Variants in PKHD1 observed in about 807,000 individuals in gnomAD.
The protein encoded by PKHD1 is PKHD1 ciliary IPT domain containing fibrocystin/polyductin.
Under a neutral mutation model 412.0 loss-of-function variants are expected in PKHD1, and 291 were observed. The ratio of observed to expected loss-of-function variants is 0.71; its 90% CI spans 0.64 to 0.78. The LOEUF (loss-of-function observed/expected upper bound fraction) is 0.78, where lower values mean the gene tolerates loss of function less well. PKHD1 is among the 30% of genes least tolerant of loss of function. The pLI is 0.00. For synonymous variants in PKHD1, 1,777 were observed against 1,821.5 expected (o/e 0.98, Z 0.62); for missense variants, 4,825 against 4,950.7 (o/e 0.97, Z 0.76).
In PKHD1 at chr6:51,618,875, T is replaced by C. The variant is rs1766267206; in HGVS notation, c.*206A>G. The C allele has an allele frequency of 8.2e-6, 5 of 608,844 alleles. No individual in the cohort carries two copies. Among genetic ancestry groups the C allele is most frequent in the South Asian group, 3.9e-5 (2 of 51,766 alleles). 37.7% of individuals were successfully genotyped at this position (608,844 alleles called of 1,614,324 possible). A position where few individuals can be genotyped will look rare whatever the true frequency, so the allele number is the denominator to read the frequency against. ...TTTGCCTAGCATTGAACTAGGATCA[T>C]GATAGCTGCAAAATATGTATGAGAC... On this transcript the variant is annotated 3_prime_UTR_variant, in exon 67 of 67. Transcript: ENST00000371117.
chr6:51,911,722 C>T (rs1258898924), intron 39 of PKHD1, 77 bp downstream of exon 39: 3 of 1,274,626 alleles, frequency 2.4e-6, no homozygotes, highest in Admixed American at 1.7e-5. Flanking sequence ...AGGTCAACCA[C>T]AGCAATGCCA....
At chr6:51,889,892 A>G (rs1778838808) in intron 43 of PKHD1, among the ~76,000 whole-genome samples, 1 of 152,200 alleles carries the variant, frequency 6.6e-6, no homozygotes, top group South Asian at 2.1e-4. Context: ...CCACTGCTGA[A>G]AACTGAAGGA....
chr6:51,839,967 T>A (rs565581539), intron 50 of PKHD1, among the ~76,000 whole-genome samples: 3 of 152,142 alleles, frequency 2.0e-5, no homozygotes, highest in Non-Finnish European at 4.4e-5. Flanking sequence ...CTGCCTGCCC[T>A]GGACCCAAGC....
intron 60 of PKHD1, among the ~76,000 whole-genome samples, chr6:51,670,675 G>T (rs1484189212): frequency 6.6e-6 from 1 of 152,120 alleles, no homozygotes; most frequent in Non-Finnish European, 1.5e-5. Context: ...TGATTTTGCA[G>T]AGGCTGGTAC....
At chr6:51,855,491 T>C (rs1246737209) in intron 49 of PKHD1, among the ~76,000 whole-genome samples, 2 of 152,340 alleles carry the variant, frequency 1.3e-5, no homozygotes, top group African/African-American at 4.8e-5. Flanking sequence ...GTATGCAATG[T>C]ATAAATGCTT....
intron 35 of PKHD1, among the ~76,000 whole-genome samples, chr6:51,992,893 A>C (rs1406162804): frequency 6.6e-6 from 1 of 152,246 alleles, no homozygotes; most frequent in Non-Finnish European, 1.5e-5. Flanking sequence ...TTGCTGGTAC[A>C]AGGGTCCTGG....
In PKHD1 at chr6:52,010,362, G is replaced by A. The variant is rs2128117137; in HGVS notation, c.5698C>T (p.Pro1900Ser). 1 of 1,613,426 alleles carries A rather than the reference G, an allele frequency of 6.2e-7. No homozygotes were observed. The highest frequency in any genetic ancestry group is 2.2e-5 in the East Asian group (1 of 44,884). The change falls in exon 35 of 67, where the codon CCA becomes TCA. Residue 1900 changes from proline to serine, a missense_variant. Pro to Ser is a moderately conservative substitution (Grantham distance 74). Transcript: ENST00000371117. ...AEMECETPNQPITVKITEIRK... is the reference protein window; with the variant it reads ...AEMECETPNQSITVKITEIRK... The stretch of plus-strand genomic sequence containing the variant: ...ATCTCAGTAATCTTGACGGTAATTG[G>A]CTGATTGGGCGTCTCACACTCCATC...
intron 15 of PKHD1, 50 bp downstream of exon 15, chr6:52,059,878 G>T: frequency 1.1e-6 from 1 of 873,130 alleles, no homozygotes; most frequent in Non-Finnish European, 2.0e-6. Flanking sequence ...CTTTCTTCAT[G>T]GGTATGGGAC....
At chr6:51,831,960 G>A (rs781130445) in intron 51 of PKHD1, among the ~76,000 whole-genome samples, 15 of 152,134 alleles carry the variant, frequency 9.9e-5, no homozygotes, top group Non-Finnish European at 1.5e-4. Context: ...TAGAAGGGAA[G>A]AGAGATTGTC....
At chr6:52,045,373 C>T (rs1805632302) in intron 24 of PKHD1, among the ~76,000 whole-genome samples, 1 of 152,198 alleles carries the variant, frequency 6.6e-6, no homozygotes, top group South Asian at 2.1e-4. Flanking sequence ...CCATGCTTTT[C>T]CATTTTATAT....
intron 35 of PKHD1, among the ~76,000 whole-genome samples, chr6:51,989,935 A>AG (rs1796765942): frequency 1.3e-4 from 3 of 23,326 alleles, no homozygotes; most frequent in Non-Finnish European, 1.6e-4. Flanking sequence ...AAGGAAGGAA[A>AG]GAAGGAAGGA....
rs2784204 is a variant in PKHD1, at chr6:51,627,335, A to G, written c.11666-219T>C. Among the ~76,000 whole-genome samples the G allele has an allele frequency of 0.043, 6,510 of 152,226 alleles. 235 individuals are homozygous for G. The highest frequency in any genetic ancestry group is 0.093 in the African/African-American group (3,855 of 41,530). ...AACTGTACTGTCTGATACAAATAGCAGACACATGTGGCTACTGATCACTTA... is the reference window on the plus strand; with the variant it reads ...AACTGTACTGTCTGATACAAATAGCGGACACATGTGGCTACTGATCACTTA... On this transcript the variant is annotated intron_variant, in intron 65 of 66. Transcript: ENST00000371117.
At chr6:51,906,748 T>A (rs1050181724) in intron 40 of PKHD1, among the ~76,000 whole-genome samples, 16 of 152,108 alleles carry the variant, frequency 1.1e-4, no homozygotes, top group Non-Finnish European at 1.5e-5. Flanking sequence ...GAGCAGTGAA[T>A]TAATATTTAT....
chr6:52,056,128 C>G (rs1164046671), intron 18 of PKHD1, among the ~76,000 whole-genome samples: 2 of 152,142 alleles, frequency 1.3e-5, no homozygotes, highest in Non-Finnish European at 2.9e-5. Context: ...AAAGCTCCAG[C>G]TATAAGAAAC....
rs1167062928 is a variant in PKHD1, at chr6:52,076,387, C to T, written c.391-54G>A. 6.0e-6 allele frequency: 8 copies of T among 1,326,464 alleles called. No individual in the cohort carries two copies. In the East Asian group the frequency reaches 9.2e-5, roughly 15 times the overall value. 82.2% of individuals were successfully genotyped at this position (1,326,464 alleles called of 1,614,324 possible). ...CATGTCATTAAAATATTCACAAACA[C>T]AGGAGGCACAAGCCTTTCCTCAGAC... On this transcript the variant is annotated intron_variant, in intron 5 of 66. Coordinates refer to ENST00000371117, the MANE Select transcript of PKHD1 (RefSeq NM_138694.4).
At position 51,791,268 on chromosome 6, in the gene PKHD1, C is replaced by T. The variant is rs398124496; in HGVS notation, c.8408G>A (p.Cys2803Tyr). Residue 2803 changes from cysteine (C) to tyrosine (Y), a missense_variant, in exon 53 of 67, where the codon TGC becomes TAC. Cys to Tyr is a radical substitution (Grantham distance 194). Coordinates refer to ENST00000371117, the MANE Select transcript of PKHD1 (RefSeq NM_138694.4). ...VDRSNVLSVA[C>Y]MVIAGGELKV... Reference sequence around the variant, plus strand: ...CAGCTCCCCGCCTGCAATGACCATGCATGCCACACTCAGAACATTGCTTCT... The same window carrying T: ...CAGCTCCCCGCCTGCAATGACCATGTATGCCACACTCAGAACATTGCTTCT... 1.2e-6 allele frequency: 2 copies of T among 1,613,996 alleles called. No individual in the cohort carries two copies. The highest frequency in any genetic ancestry group is 4.5e-5 in the East Asian group (2 of 44,872).
Position 51,753,304 on chromosome 6 carries a change from C to G in PKHD1, c.8847G>C (p.Glu2949Asp). Residue 2949 changes from glutamate (E) to aspartate (D), a missense_variant, in exon 57 of 67, where the codon GAG (glutamate) becomes GAC (aspartate). By Grantham distance (45) the Glu-to-Asp change is conservative. Coordinates refer to ENST00000371117, the MANE Select transcript of PKHD1 (RefSeq NM_138694.4). ...EDGRHIRLAA[E>D]VGLLTRNIQI... ...GTATATTTCGGGTCAACAGTCCAAC[C>G]TCAGCAGCCAAACGAATGTGTCGGC... The G allele has an allele frequency of 4.3e-6, 7 of 1,613,806 alleles. No individual in the cohort carries two copies. Among genetic ancestry groups the G allele is most frequent in the Non-Finnish European group, 5.9e-6 (7 of 1,179,756 alleles).
At chr6:51,957,313 T>C (rs1032269075) in intron 36 of PKHD1, among the ~76,000 whole-genome samples, 2 of 151,988 alleles carry the variant, frequency 1.3e-5, no homozygotes, top group African/African-American at 4.8e-5. Flanking sequence ...ATCTCTACTT[T>C]TGGAAATTTC....
chr6:52,022,909 C>T lies in PKHD1; in HGVS notation c.5272G>A (p.Ala1758Thr). The T allele has an allele frequency of 1.2e-6, 2 of 1,614,164 alleles. No individual in the cohort carries two copies. Among genetic ancestry groups the T allele is most frequent in the Non-Finnish European group, 1.7e-6 (2 of 1,180,030 alleles). Residue 1758 changes from alanine to threonine, a missense_variant, in exon 33 of 67, where the codon GCG becomes ACG. Physicochemically the swap from Ala to Thr is moderately conservative, Grantham distance 58 (BLOSUM62 0). Coordinates refer to ENST00000371117, the MANE Select transcript of PKHD1 (RefSeq NM_138694.4). ...GAGACATTCCCTGGAGAAAATCCCG[C>T]TCCAAACACATGCACCAGCCTTCCA... ...LGGRLVHVFG[A>T]GFSPGNVSAA...
Sources: gnomAD v4.1 joint callset for allele counts (sites outside exome capture counted in the v4.1 genomes callset) on GRCh38, gnomAD v4.1.1 for gene constraint, MANE v1.5 for transcripts, NCBI Gene and HGNC (gene_info 2026-07-23, HGNC 2026-07-21) for gene names.